The following LRRN1 variants were observed in gnomAD, a reference collection of about 807,000 sequenced individuals.
The protein encoded by LRRN1 is leucine rich repeat neuronal 1.
Under a neutral mutation model 45.8 loss-of-function variants are expected in LRRN1, and 14 were observed. The observed-to-expected ratio is 0.31, with a 90% CI of 0.20 to 0.48. LRRN1 has a LOEUF of 0.48. Among genes scored for constraint, LRRN1 ranks in the 20% least tolerant of loss-of-function variants. The probability of loss-of-function intolerance (pLI) is 0.99; values close to 1 mark genes in which losing one functional copy is unlikely to be tolerated. For synonymous variants in LRRN1, 359 were observed against 330.1 expected (o/e 1.09, Z -0.95); for missense variants, 789 against 874.2 (o/e 0.90, Z 1.23).
chr3:3,803,185 G>C (rs1355778366), intron 1 of LRRN1, among the ~76,000 whole-genome samples: 2 of 152,280 alleles, frequency 1.3e-5, no homozygotes, highest in African/African-American at 4.8e-5. Flanking sequence ...TAAACTGCTA[G>C]AGCCATTACC....
At chr3:3,823,634 G>C (rs1220372494) in intron 1 of LRRN1, among the ~76,000 whole-genome samples, 1 of 152,100 alleles carries the variant, frequency 6.6e-6, no homozygotes, top group Non-Finnish European at 1.5e-5. Context: ...ACATCCAAAT[G>C]AGGTAGGTAT....
At chr3:3,843,372 G>C (rs1229359834) in intron 1 of LRRN1, among the ~76,000 whole-genome samples, 1 of 152,190 alleles carries the variant, frequency 6.6e-6, no homozygotes, top group Non-Finnish European at 1.5e-5. Context: ...CCTTTTATCA[G>C]TCAGTCAAGA....
chr3:3,818,197 GGCATATTAA>G (rs1446160088), intron 1 of LRRN1, among the ~76,000 whole-genome samples: 3 of 152,148 alleles, frequency 2.0e-5, no homozygotes, highest in Non-Finnish European at 4.4e-5. Flanking sequence ...GGGCCTTCCA[GGCATATTAA>G]GCCTGCCAAA....
At chr3:3,818,766 G>C (rs1403301716) in intron 1 of LRRN1, among the ~76,000 whole-genome samples, 1 of 152,118 alleles carries the variant, frequency 6.6e-6, no homozygotes, top group Non-Finnish European at 1.5e-5. Context: ...AAAGATCATA[G>C]AGCTTACCAC....
At chr3:3,835,571 C>T (rs1399879863) in intron 1 of LRRN1, among the ~76,000 whole-genome samples, 2 of 148,970 alleles carry the variant, frequency 1.3e-5, no homozygotes, top group East Asian at 4.0e-4. Flanking sequence ...TTCTCCAACC[C>T]CAGAGCTGCC....
intron 1 of LRRN1, among the ~76,000 whole-genome samples, chr3:3,832,544 C>T (rs1019193634): frequency 2.6e-5 from 4 of 152,166 alleles, no homozygotes; most frequent in African/African-American, 9.7e-5. Flanking sequence ...AGCCAGAGTC[C>T]AGTAGTCCCC....
chr3:3,836,079 G>C (rs1486260106), intron 1 of LRRN1, among the ~76,000 whole-genome samples: 1 of 78,818 alleles, frequency 1.3e-5, no homozygotes, highest in African/African-American at 3.7e-5. Context: ...CTAGAAGAAA[G>C]CAATTTCACT....
rs749980240 is a variant in LRRN1 at position 3,846,630 on chromosome 3, C to T, written c.1989C>T (p.His663=). The T allele has an allele frequency of 2.5e-6, 4 of 1,614,064 alleles. No homozygotes were observed. The highest frequency in any genetic ancestry group is 1.7e-6 in the Non-Finnish European group (2 of 1,180,018). The change falls in exon 2 of 2, where the codon CAC becomes CAT. Residue 663 remains histidine, a synonymous_variant. Transcript: ENST00000319331. This position sits in a 1 kb window ranked among gnomAD's most constrained non-coding sequence, Gnocchi z 5.7. ...AKRFKRKNYH[H]SLKKYMQKTS... ...GATTTAAGAGAAAAAACTACCACCA[C>T]TCATTAAAAAAGTATATGCAAAAAA...
At chr3:3,804,241 A>G (rs1019749197) in intron 1 of LRRN1, 3 of 152,140 alleles carry the variant, frequency 2.0e-5, no homozygotes, top group Non-Finnish European at 2.9e-5. Context: ...CCCCATACCA[A>G]CCTTCAATTT....
chr3:3,843,071 T>A (rs1693681049), intron 1 of LRRN1, among the ~76,000 whole-genome samples: 2 of 152,226 alleles, frequency 1.3e-5, no homozygotes, highest in African/African-American at 4.8e-5. Flanking sequence ...TAACAATTAT[T>A]AACTTTTGTG....
At chr3:3,817,652 T>TG (rs2106456560) in intron 1 of LRRN1, among the ~76,000 whole-genome samples, 1 of 152,154 alleles carries the variant, frequency 6.6e-6, no homozygotes, top group African/African-American at 2.4e-5. Context: ...TATCACTAGA[T>TG]CAGAGCTAAA....
chr3:3,801,338 G>A (rs1419093293), intron 1 of LRRN1: 3 of 152,232 alleles, frequency 2.0e-5, no homozygotes, highest in Admixed American at 6.5e-5. Context: ...TGGCTTTTGC[G>A]TGGAGGATTT....
Position 3,845,980 on chromosome 3 carries a change from T to A in LRRN1, c.1339T>A (p.Cys447Ser). 6.2e-7 allele frequency: 1 copy of A among 1,614,048 alleles called. No homozygotes were observed. The highest frequency in any genetic ancestry group is 1.1e-5 in the South Asian group (1 of 91,080). Reference protein sequence around the residue: ...VDIGTTVFLDCRAMAEPEPEI... With the variant: ...VDIGTTVFLDSRAMAEPEPEI... ...TATCGGCACGACGGTTTTCCTAGAC[T>A]GTCGAGCCATGGCTGAGCCAGAACC... Residue 447 changes from cysteine (C) to serine (S), a missense_variant, in exon 2 of 2, where the codon TGT becomes AGT. Transcript: ENST00000319331. This position sits in a 1 kb window ranked among gnomAD's most constrained non-coding sequence, Gnocchi z 6.5.
At chr3:3,808,652 C>T (rs1692815025) in intron 1 of LRRN1, among the ~76,000 whole-genome samples, 3 of 152,180 alleles carry the variant, frequency 2.0e-5, no homozygotes, top group South Asian at 2.1e-4. Flanking sequence ...TAAACCTGTA[C>T]TGTTAAAGTG....
chr3:3,802,409 C>G (rs530772759), intron 1 of LRRN1, among the ~76,000 whole-genome samples: 1 of 152,244 alleles, frequency 6.6e-6, no homozygotes, highest in South Asian at 2.1e-4. Flanking sequence ...ACAGCATTTG[C>G]CCCAGTATTC....
At chr3:3,809,978 A>G (rs1243914958) in intron 1 of LRRN1, among the ~76,000 whole-genome samples, 1 of 152,198 alleles carries the variant, frequency 6.6e-6, no homozygotes, top group Non-Finnish European at 1.5e-5. Flanking sequence ...CTCAGACTAG[A>G]TATTTTATGA....
intron 1 of LRRN1, among the ~76,000 whole-genome samples, chr3:3,823,594 C>G (rs953910191): frequency 3.9e-5 from 6 of 152,058 alleles, no homozygotes; most frequent in Non-Finnish European, 4.4e-5. Flanking sequence ...ATCCACTGCT[C>G]AAGACATGTT....
In LRRN1 at chr3:3,847,665, G is replaced by A. The variant is rs187357681; in HGVS notation, c.*873G>A. 3.6e-5 allele frequency: 6 copies of A among 166,898 alleles called. No individual in the cohort carries two copies. In the South Asian group the frequency reaches 8.3e-4, roughly 23 times the overall value. The allele number at this position is 166,898 out of a possible 1,614,324, so 10.3% of individuals were successfully genotyped here. ...TTTATAGTTCTTGCTAGTTGCAGTGGTAATATTTTTCACATCCATAAAAAC... is the reference window on the plus strand; with the variant it reads ...TTTATAGTTCTTGCTAGTTGCAGTGATAATATTTTTCACATCCATAAAAAC... On this transcript the variant is annotated 3_prime_UTR_variant, in exon 2 of 2. Transcript: ENST00000319331.
At chr3:3,811,448 C>G (rs966528767) in intron 1 of LRRN1, among the ~76,000 whole-genome samples, 2 of 152,180 alleles carry the variant, frequency 1.3e-5, no homozygotes, top group African/African-American at 4.8e-5. Flanking sequence ...GGAAAATGTA[C>G]TTAGCAAATA....
Sources: gnomAD v4.1 joint callset for allele counts (sites outside exome capture counted in the v4.1 genomes callset) on GRCh38, gnomAD v4.1.1 for gene constraint, Gnocchi (gnomAD v3.1) non-coding constraint, MANE v1.5 for transcripts, NCBI Gene and HGNC (gene_info 2026-07-23, HGNC 2026-07-21) for gene names.